Variants in PDS5A observed in about 807,000 individuals in gnomAD.
PDS5A encodes the protein sister chromatid cohesion protein PDS5 homolog A.
A neutral mutation model predicts 167.1 loss-of-function variants in PDS5A; 42 were observed. That is an observed-to-expected ratio of 0.25 (90% CI 0.20 to 0.33). PDS5A has a LOEUF of 0.33. PDS5A is among the 10% of genes least tolerant of loss of function. The probability of loss-of-function intolerance (pLI) is 1.00; values close to 1 mark genes in which losing one functional copy is unlikely to be tolerated. For missense variants in PDS5A, 1,033 were observed against 1,605.9 expected, an observed-to-expected ratio of 0.64 and a Z score of 6.10; for synonymous variants, 553 against 554.6, an observed-to-expected ratio of 1.00 and a Z score of 0.04.
intron 2 of PDS5A, among the ~76,000 whole-genome samples, chr4:39,969,947 T>C (rs1730341768): frequency 7.2e-6 from 1 of 139,750 alleles, no homozygotes; most frequent in South Asian, 2.4e-4. Context: ...TTGAAGGGTA[T>C]GTAATGTAGA....
intron 2 of PDS5A, among the ~76,000 whole-genome samples, chr4:39,947,271 T>C (rs1727867679): frequency 6.6e-6 from 1 of 151,994 alleles, no homozygotes; most frequent in Non-Finnish European, 1.5e-5. Context: ...CTAGCTAACA[T>C]TGTGAAACCC....
intron 8 of PDS5A, among the ~76,000 whole-genome samples, chr4:39,915,963 A>T (rs1476822754): frequency 6.6e-6 from 1 of 152,152 alleles, no homozygotes; most frequent in Non-Finnish European, 1.5e-5. Flanking sequence ...GACCAGGCTC[A>T]GTGGCTCATG....
At chr4:39,836,214 T>A (rs922684049) in intron 32 of PDS5A, among the ~76,000 whole-genome samples, 1 of 152,154 alleles carries the variant, frequency 6.6e-6, no homozygotes, top group Non-Finnish European at 1.5e-5. Flanking sequence ...AAGGTCCAGG[T>A]TTGAGAAGAA....
Position 39,973,850 on chromosome 4 carries a change from G to T in PDS5A, c.138+2590C>A, listed in dbSNP as rs1261384725. 4.3e-6 allele frequency: 4 copies of T among 940,292 alleles called. No homozygotes were observed. The African/African-American group carries it at 6.5e-5, about 15-fold the overall frequency. 58.2% of individuals were successfully genotyped at this position (940,292 alleles called of 1,614,324 possible). A position where few individuals can be genotyped will look rare whatever the true frequency, so the allele number is the denominator to read the frequency against. ...ACTCAGAACCGTGCTGCAAGACCGG[G>T]CGCGGTGGCTCACGCCTGTAATCCC... is the stretch of plus-strand genomic sequence containing the variant. On this transcript the variant is annotated intron_variant, in intron 2 of 32. Transcript: ENST00000303538.
chr4:39,856,224 C>T (rs568929887), intron 26 of PDS5A, among the ~76,000 whole-genome samples: 1 of 152,028 alleles, frequency 6.6e-6, no homozygotes, highest in Non-Finnish European at 1.5e-5. Context: ...AAAAAAACCC[C>T]AACAACTCGT....
chr4:39,964,723 G>A (rs1346895068), intron 2 of PDS5A, among the ~76,000 whole-genome samples: 1 of 151,474 alleles, frequency 6.6e-6, no homozygotes, highest in African/African-American at 2.4e-5. Flanking sequence ...ATGCCCTGGT[G>A]TGGTGGCTCA....
At chr4:39,888,816 G>A (rs1473241784) in intron 17 of PDS5A, among the ~76,000 whole-genome samples, 2 of 152,120 alleles carry the variant, frequency 1.3e-5, no homozygotes, top group African/African-American at 4.8e-5. Flanking sequence ...AATGAAGAGA[G>A]GTTAATTAAT....
At chr4:39,886,578 T>C (rs1184488146) in intron 17 of PDS5A, among the ~76,000 whole-genome samples, 1 of 151,938 alleles carries the variant, frequency 6.6e-6, no homozygotes, top group Non-Finnish European at 1.5e-5. Context: ...GCAGGTGCAG[T>C]GGCGCATAAC....
At chr4:39,941,545 G>A (rs1727225742) in intron 2 of PDS5A, among the ~76,000 whole-genome samples, 1 of 152,116 alleles carries the variant, frequency 6.6e-6, no homozygotes, top group South Asian at 2.1e-4. Context: ...TATTTAATAT[G>A]CATTCAAGGT....
At position 39,869,425 on chromosome 4, in the gene PDS5A, T is replaced by G; in HGVS notation, c.2474A>C (p.Asp825Ala). The G allele has an allele frequency of 6.2e-7, 1 of 1,605,476 alleles. No homozygotes were observed. Among genetic ancestry groups the G allele is most frequent in the Non-Finnish European group, 8.5e-7 (1 of 1,172,088 alleles). Residue 825 changes from aspartate to alanine, a missense_variant, in exon 22 of 33, where the codon GAT (aspartate) becomes GCT (alanine). Physicochemically the swap from Asp to Ala is moderately radical, Grantham distance 126. Transcript: ENST00000303538. ...TAGTACTTCAGGGGAAACCTCTTCATCTGGAGACCACAGTTTTCCATTCTT... is the reference window on the plus strand; with the variant it reads ...TAGTACTTCAGGGGAAACCTCTTCAGCTGGAGACCACAGTTTTCCATTCTT... ...GEKNGKLWSP[D>A]EEVSPEVLAK...
At chr4:39,883,432 C>G (rs778641234) in intron 17 of PDS5A, among the ~76,000 whole-genome samples, 2 of 152,224 alleles carry the variant, frequency 1.3e-5, no homozygotes, top group Admixed American at 1.3e-4. Context: ...CCGCCCACTT[C>G]GGCCTCCCAA....
chr4:39,906,382 A>T (rs894479214), intron 11 of PDS5A, among the ~76,000 whole-genome samples: 2 of 152,076 alleles, frequency 1.3e-5, no homozygotes, highest in African/African-American at 4.8e-5. Context: ...AAAAAAAAAA[A>T]ACCTTAGTGA....
chr4:39,838,239 C>G, intron 31 of PDS5A, 31 bp from the exon 32 acceptor site: 1 of 1,369,476 alleles, frequency 7.3e-7, no homozygotes. Context: ...TCTATAAACA[C>G]AAATTCCTTA....
In PDS5A at chr4:39,949,992, A is replaced by AC. The variant is rs1412065659; in HGVS notation, c.139-21829dup. ...ATGATCTCGGCTCACCACAACCTCCACCTCCCGAGTTTAAGTGATTCTCCT... is the reference window on the plus strand; with the variant it reads ...ATGATCTCGGCTCACCACAACCTCCACCCTCCCGAGTTTAAGTGATTCTCCT... On this transcript the variant is annotated intron_variant, in intron 2 of 32. Coordinates refer to ENST00000303538, the MANE Select transcript of PDS5A (RefSeq NM_001100399.2). Among the ~76,000 whole-genome samples, 3 of 151,566 alleles carry AC rather than the reference A, an allele frequency of 2.0e-5. No individual in the cohort carries two copies. In the East Asian group the frequency reaches 5.9e-4, roughly 30 times the overall value.
At chr4:39,870,444 A>T (rs1056178608) in intron 21 of PDS5A, among the ~76,000 whole-genome samples, 7 of 151,754 alleles carry the variant, frequency 4.6e-5, no homozygotes, top group African/African-American at 1.7e-4. Context: ...AAAATTAGCC[A>T]GGCATGGTGG....
intron 2 of PDS5A, chr4:39,973,827 T>G: frequency 8.9e-7 from 1 of 1,129,088 alleles, no homozygotes; most frequent in Non-Finnish European, 1.4e-6. Context: ...TTCCACAGAC[T>G]CAGAACCGTG....
intron 19 of PDS5A, among the ~76,000 whole-genome samples, chr4:39,875,966 T>C (rs1403016367): frequency 2.6e-5 from 4 of 152,096 alleles, no homozygotes; most frequent in Middle Eastern, 3.2e-3. Flanking sequence ...AGAGTTGTTA[T>C]TGAGGTCTTT....
At chr4:39,927,290 G>A (rs1725561418) in intron 3 of PDS5A, among the ~76,000 whole-genome samples, 1 of 152,124 alleles carries the variant, frequency 6.6e-6, no homozygotes, top group African/African-American at 2.4e-5. Flanking sequence ...GTATGATTAC[G>A]AAGTTGTGTG....
At chr4:39,886,282 C>T (rs1295878840) in intron 17 of PDS5A, among the ~76,000 whole-genome samples, 2 of 152,090 alleles carry the variant, frequency 1.3e-5, no homozygotes, top group Non-Finnish European at 1.5e-5. Context: ...CCTCATATTG[C>T]TTTGGCTATT....
Sources: allele counts gnomAD v4.1 joint callset (sites outside exome capture counted in the v4.1 genomes callset), GRCh38; gene constraint gnomAD v4.1.1; transcripts MANE v1.5; gene names NCBI Gene and HGNC (gene_info 2026-07-23, HGNC 2026-07-21).